CSMD1: variants seen among roughly 807,000 people sequenced by gnomAD.
The protein encoded by CSMD1 is CUB and Sushi multiple domains 1.
A neutral mutation model predicts 417.5 loss-of-function variants in CSMD1; 213 were observed. The observed-to-expected ratio is 0.51, with a 90% confidence interval of 0.46 to 0.57. The LOEUF is 0.57. CSMD1 is among the 20% of genes least tolerant of loss of function. The pLI is 0.00. For missense variants in CSMD1, 6,923 were observed against 4,529.7 expected (o/e 1.53, Z -15.17); for synonymous variants, 2,862 against 1,736.8 (o/e 1.65, Z -16.11).
intron 49 of CSMD1, among the ~76,000 whole-genome samples, chr8:3,064,804 T>A (rs1812811342): frequency 6.6e-6 from 1 of 152,202 alleles, no homozygotes; most frequent in African/African-American, 2.4e-5. Flanking sequence ...CAGCATGAGG[T>A]TAAGCAAATT....
At chr8:2,952,948 C>A (rs1384338052) in intron 65 of CSMD1, among the ~76,000 whole-genome samples, 1 of 152,146 alleles carries the variant, frequency 6.6e-6, no homozygotes, top group African/African-American at 2.4e-5. Flanking sequence ...AGCCACATAG[C>A]TGAGCTGTAC....
At chr8:3,379,907 A>G (rs1449972101) in intron 18 of CSMD1, among the ~76,000 whole-genome samples, 2 of 152,212 alleles carry the variant, frequency 1.3e-5, no homozygotes, top group Non-Finnish European at 2.9e-5. Flanking sequence ...ATGGGATATA[A>G]TTAAAGAGCT....
intron 3 of CSMD1, among the ~76,000 whole-genome samples, chr8:4,131,315 G>C (rs1159687911): frequency 3.3e-5 from 5 of 152,112 alleles, no homozygotes; most frequent in Admixed American, 2.6e-4. Context: ...TGTAATGTGA[G>C]GTCTGACTGT....
At chr8:3,010,476 G>A (rs936013210) in intron 52 of CSMD1, among the ~76,000 whole-genome samples, 1 of 152,078 alleles carries the variant, frequency 6.6e-6, no homozygotes, top group Non-Finnish European at 1.5e-5. Flanking sequence ...TGACCAGGCG[G>A]CCGTCGAGAG....
At chr8:4,836,967 C>T (rs73659205) in intron 1 of CSMD1, among the ~76,000 whole-genome samples, 1,972 of 152,056 alleles carry the variant, frequency 0.013, 45 homozygotes, top group African/African-American at 0.045. Flanking sequence ...CTCTGTAGAA[C>T]AGATGGCCTT....
chr8:3,409,773 C>A (rs1812567578), intron 12 of CSMD1, among the ~76,000 whole-genome samples, 168 bp from the exon 13 acceptor site: 1 of 152,006 alleles, frequency 6.6e-6, no homozygotes, highest in Non-Finnish European at 1.5e-5. Context: ...TTTCAAATAC[C>A]AGAAAAAGAA....
At chr8:3,861,184 T>C (rs1441950693) in intron 5 of CSMD1, among the ~76,000 whole-genome samples, 2 of 152,172 alleles carry the variant, frequency 1.3e-5, no homozygotes, top group African/African-American at 4.8e-5. Context: ...TCCTCACCTG[T>C]TTCTTGGCAA....
At chr8:3,102,695 G>C (rs924191280) in intron 46 of CSMD1, among the ~76,000 whole-genome samples, 1 of 152,132 alleles carries the variant, frequency 6.6e-6, no homozygotes, top group Non-Finnish European at 1.5e-5. Flanking sequence ...CATACTAACG[G>C]AGTGTTTCAG....
intron 1 of CSMD1, among the ~76,000 whole-genome samples, chr8:4,833,760 A>T (rs986858421): frequency 6.6e-6 from 1 of 152,178 alleles, no homozygotes; most frequent in African/African-American, 2.4e-5. Context: ...ATTGACTTCT[A>T]TTCGTTATCT....
chr8:3,439,521 G>GTA (rs1389201093), intron 12 of CSMD1, among the ~76,000 whole-genome samples: 2 of 150,426 alleles, frequency 1.3e-5, no homozygotes, highest in African/African-American at 4.9e-5. Flanking sequence ...GTGTGTGTGT[G>GTA]TAATTGTAGA....
At chr8:4,256,769 C>G (rs757083638) in intron 3 of CSMD1, among the ~76,000 whole-genome samples, 1 of 152,122 alleles carries the variant, frequency 6.6e-6, no homozygotes, top group African/African-American at 2.4e-5. Flanking sequence ...GCCCTGCTCT[C>G]AAGCAGCTTG....
intron 3 of CSMD1, among the ~76,000 whole-genome samples, chr8:4,186,037 G>C (rs532581622): frequency 2.0e-5 from 3 of 152,184 alleles, no homozygotes. Context: ...GGTACATAGT[G>C]CCTGGGTGGG....
At chr8:3,633,514 T>C (rs570656770) in intron 7 of CSMD1, among the ~76,000 whole-genome samples, 1 of 152,174 alleles carries the variant, frequency 6.6e-6, no homozygotes, top group South Asian at 2.1e-4. Flanking sequence ...TGCAATGGCA[T>C]CAGAATACAA....
At chr8:4,846,193 C>T (rs1442624632) in intron 1 of CSMD1, among the ~76,000 whole-genome samples, 2 of 152,204 alleles carry the variant, frequency 1.3e-5, no homozygotes, top group African/African-American at 4.8e-5. Flanking sequence ...AGTACCAACA[C>T]ATGTCCAGGA....
At chr8:3,141,909 T>TA (rs1258015754) in intron 41 of CSMD1, among the ~76,000 whole-genome samples, 1 of 151,706 alleles carries the variant, frequency 6.6e-6, no homozygotes, top group East Asian at 1.9e-4. Flanking sequence ...GCCACTCTCC[T>TA]GCCTCAGCCT....
At chr8:4,241,326 C>A (rs1160100926) in intron 3 of CSMD1, among the ~76,000 whole-genome samples, 3 of 152,304 alleles carry the variant, frequency 2.0e-5, no homozygotes, top group Non-Finnish European at 4.4e-5. Flanking sequence ...ATATTTCACG[C>A]CTTTGCCTAT....
chr8:3,669,016 A>G (rs1798847509), intron 7 of CSMD1, among the ~76,000 whole-genome samples: 1 of 152,196 alleles, frequency 6.6e-6, no homozygotes, highest in African/African-American at 2.4e-5. Flanking sequence ...TTCATTAAAC[A>G]GACGTTATAC....
chr8:4,793,281 G>C (rs1157650558), intron 1 of CSMD1, among the ~76,000 whole-genome samples: 1 of 151,980 alleles, frequency 6.6e-6, no homozygotes, highest in Non-Finnish European at 1.5e-5. Flanking sequence ...GTTTTAGGCT[G>C]GAAAAATAGA....
At chr8:3,955,024 C>A (rs565382423) in intron 5 of CSMD1, among the ~76,000 whole-genome samples, 1 of 152,182 alleles carries the variant, frequency 6.6e-6, no homozygotes, top group Non-Finnish European at 1.5e-5. Context: ...CTCTCCTTTG[C>A]ACTGCTAATT....
Sources: gnomAD v4.1 joint callset for allele counts (sites outside exome capture counted in the v4.1 genomes callset) on GRCh38, gnomAD v4.1.1 for gene constraint, MANE v1.5 for transcripts, NCBI Gene and HGNC (gene_info 2026-07-23, HGNC 2026-07-21) for gene names.